Variants in B3GNT5 observed in about 807,000 individuals in gnomAD.
B3GNT5 encodes lactosylceramide 1,3-N-acetyl-beta-D-glucosaminyltransferase.
Under a neutral mutation model 25.9 loss-of-function variants are expected in B3GNT5, and 11 were observed. The observed-to-expected ratio is 0.42, with a 90% CI of 0.27 to 0.70. The LOEUF (loss-of-function observed/expected upper bound fraction) is 0.70, where lower values mean the gene tolerates loss of function less well. Ranked by LOEUF, B3GNT5 falls within the 30% of genes least tolerant of loss-of-function variation. The pLI is 0.23. For missense variants in B3GNT5, 385 were observed against 458.4 expected (o/e 0.84, Z 1.46); for synonymous variants, 166 against 158.6 (o/e 1.05, Z -0.35).
chr3:183,261,995 C>CATATAT (rs61309164), intron 1 of B3GNT5, among the ~76,000 whole-genome samples: 2 of 128,634 alleles, frequency 1.6e-5, no homozygotes, highest in East Asian at 2.2e-4. Context: ...ATTGGGCATT[C>CATATAT]ATATATATAT....
intron 1 of B3GNT5, among the ~76,000 whole-genome samples, chr3:183,263,370 C>G (rs1725796696): frequency 6.6e-6 from 1 of 152,234 alleles, no homozygotes; most frequent in East Asian, 1.9e-4. Flanking sequence ...ATCTTTAGAC[C>G]CTCCTGTAGC....
At chr3:183,255,306 C>T (rs1724942711) in intron 1 of B3GNT5, among the ~76,000 whole-genome samples, 1 of 152,216 alleles carries the variant, frequency 6.6e-6, no homozygotes, top group African/African-American at 2.4e-5. Context: ...GACGTTATAA[C>T]TTTCTCAAAA....
chr3:183,272,827 G>C lies in B3GNT5; in HGVS notation c.*1892G>C, dbSNP rs1056531279. On this transcript the variant is annotated 3_prime_UTR_variant, in exon 2 of 2. Coordinates refer to ENST00000326505, the MANE Select transcript of B3GNT5 (RefSeq NM_032047.5). ...TTGGAAGTGTTTAAGGTTGCCATTG[G>C]TTGAAAACATAAGTGTCTCTGGCCA... 4.1e-6 allele frequency: 5 copies of C among 1,223,610 alleles called. No individual in the cohort carries two copies. In the African/African-American group the frequency reaches 6.3e-5, roughly 15 times the overall value. The allele number at this position is 1,223,610 out of a possible 1,614,324, so 75.8% of individuals were successfully genotyped here. A position where few individuals can be genotyped will look rare whatever the true frequency, so the allele number is the denominator to read the frequency against.
chr3:183,267,338 A>G lies in B3GNT5; in HGVS notation c.-301-2160A>G, dbSNP rs1380804258. ...CAAAGTCTGAATGGGGCTTGGCTCT[A>G]ATCTCTAGTCCTCATTGGACATTTT... On this transcript the variant is annotated intron_variant, in intron 1 of 1. Transcript: ENST00000326505. The surrounding 1 kb of genome is among the most constrained non-coding windows in gnomAD (Gnocchi z 5.5). 2.0e-5 allele frequency among the ~76,000 whole-genome samples: 3 copies of G among 152,228 alleles called. No homozygotes were observed. The highest frequency in any genetic ancestry group is 4.8e-5 in the African/African-American group (2 of 41,454).
chr3:183,261,710 A>G lies in B3GNT5; in HGVS notation c.-301-7788A>G, dbSNP rs187877646. ...CAGTATTTTATTTCCCCCGCAAGGAAAAAACCAGAGCTAGAATGGAATGAT... is the reference window on the plus strand; with the variant it reads ...CAGTATTTTATTTCCCCCGCAAGGAGAAAACCAGAGCTAGAATGGAATGAT... On this transcript the variant is annotated intron_variant, in intron 1 of 1. Coordinates refer to ENST00000326505, the MANE Select transcript of B3GNT5 (RefSeq NM_032047.5). Among the ~76,000 whole-genome samples the G allele has an allele frequency of 3.8e-4, 58 of 152,234 alleles. No individual in the cohort carries two copies. In the East Asian group the frequency reaches 0.011, roughly 29 times the overall value.
At chr3:183,255,556 G>A (rs1351272178) in intron 1 of B3GNT5, among the ~76,000 whole-genome samples, 3 of 152,178 alleles carry the variant, frequency 2.0e-5, no homozygotes, top group African/African-American at 4.8e-5. Context: ...AAGGCTCTAA[G>A]GTAGAACCAG....
At chr3:183,256,610 A>G (rs1051686507) in intron 1 of B3GNT5, among the ~76,000 whole-genome samples, 26 of 152,306 alleles carry the variant, frequency 1.7e-4, no homozygotes, top group African/African-American at 6.0e-4. Flanking sequence ...ACAAAGCCCA[A>G]AAGTTCAAGT....
chr3:183,254,330 G>C (rs1724820223), intron 1 of B3GNT5: 1 of 151,908 alleles, frequency 6.6e-6, no homozygotes, highest in Admixed American at 6.6e-5. Context: ...CCAGCGCCGG[G>C]AAGTCGGGAA....
intron 1 of B3GNT5, chr3:183,265,345 T>G (rs535685394): frequency 6.6e-6 from 1 of 152,340 alleles, no homozygotes; most frequent in Non-Finnish European, 1.5e-5. Context: ...GAGCTGCGCA[T>G]TCGGCATTGG....
At position 183,267,719 on chromosome 3, in the gene B3GNT5, G is replaced by A. The variant is rs988845865; in HGVS notation, c.-301-1779G>A. ...AGTGTTTTACCTGTGGTAAGCACGG[G>A]GGACAGAATTCTTGAGGAAGGAGGG... On this transcript the variant is annotated intron_variant, in intron 1 of 1. Transcript: ENST00000326505. This position sits in a 1 kb window ranked among gnomAD's most constrained non-coding sequence, Gnocchi z 5.5. Among the ~76,000 whole-genome samples the A allele has an allele frequency of 1.3e-5, 2 of 152,218 alleles. No individual in the cohort carries two copies. Among genetic ancestry groups the A allele is most frequent in the Non-Finnish European group, 2.9e-5 (2 of 68,030 alleles).
At chr3:183,265,154 C>A (rs1003777902) in intron 1 of B3GNT5, 1 of 152,204 alleles carries the variant, frequency 6.6e-6, no homozygotes. Context: ...GGATATTCAT[C>A]CCTGATTTGC....
At chr3:183,265,348 G>A (rs1257862784) in intron 1 of B3GNT5, 1 of 152,300 alleles carries the variant, frequency 6.6e-6, no homozygotes, top group Non-Finnish European at 1.5e-5. Context: ...CTGCGCATTC[G>A]GCATTGGGCT....
At chr3:183,260,011 C>G (rs9813862) in intron 1 of B3GNT5, among the ~76,000 whole-genome samples, 24,824 of 152,132 alleles carry the variant, frequency 0.16, 4,817 homozygotes, top group African/African-American at 0.47. Context: ...CTGCCCACCT[C>G]CTCCCCTGCC....
intron 1 of B3GNT5, among the ~76,000 whole-genome samples, chr3:183,256,036 A>G (rs1358107923): frequency 6.6e-6 from 1 of 152,228 alleles, no homozygotes; most frequent in African/African-American, 2.4e-5. Context: ...ACTGGGAGAA[A>G]TTCAGAGGGA....
At chr3:183,259,112 G>C (rs1725352807) in intron 1 of B3GNT5, among the ~76,000 whole-genome samples, 1 of 152,114 alleles carries the variant, frequency 6.6e-6, no homozygotes, top group South Asian at 2.1e-4. Context: ...ACTGCATATG[G>C]GTTTCTAATA....
chr3:183,260,305 T>C (rs919596694), intron 1 of B3GNT5, among the ~76,000 whole-genome samples: 3 of 152,098 alleles, frequency 2.0e-5, no homozygotes, highest in Non-Finnish European at 1.5e-5. Flanking sequence ...GACATACCCA[T>C]GGTAGTAACT....
chr3:183,257,572 C>T (rs1166195194), intron 1 of B3GNT5, among the ~76,000 whole-genome samples: 1 of 152,170 alleles, frequency 6.6e-6, no homozygotes, highest in African/African-American at 2.4e-5. Context: ...AAATGTTGAT[C>T]CACCAAGACA....
At chr3:183,261,078 T>C (rs1725536431) in intron 1 of B3GNT5, among the ~76,000 whole-genome samples, 2 of 152,244 alleles carry the variant, frequency 1.3e-5, no homozygotes, top group Non-Finnish European at 2.9e-5. Flanking sequence ...ATGTGAGTTA[T>C]AAATTCACAT....
In B3GNT5 at chr3:183,270,234, C is replaced by T; in HGVS notation, c.436C>T (p.Leu146=). The change falls in exon 2 of 2, where the codon CTG becomes TTG. Residue 146 remains leucine (L), a synonymous_variant. Transcript: ENST00000326505. The surrounding 1 kb of genome is among the most constrained non-coding windows in gnomAD (Gnocchi z 4.5). ...PLEGEELQRK[L]AWEDQRYNDI... ...GGAGGGAGAAGAACTACAAAGAAAACTGGCTTGGGAAGATCAAAGGTACAA... is the reference window on the plus strand; with the variant it reads ...GGAGGGAGAAGAACTACAAAGAAAATTGGCTTGGGAAGATCAAAGGTACAA... 6.2e-7 allele frequency: 1 copy of T among 1,614,164 alleles called. No homozygotes were observed. The highest frequency in any genetic ancestry group is 2.2e-5 in the East Asian group (1 of 44,890).
Sources: allele counts gnomAD v4.1 joint callset (sites outside exome capture counted in the v4.1 genomes callset), GRCh38; gene constraint gnomAD v4.1.1; non-coding constraint Gnocchi (gnomAD v3.1); transcripts MANE v1.5; gene names NCBI Gene and HGNC (gene_info 2026-07-23, HGNC 2026-07-21).